The following EML6 variants were observed in gnomAD, a reference collection of about 807,000 sequenced individuals.
The protein encoded by EML6 is EMAP like 6.
EML6 carries 154 observed loss-of-function variants against 240.1 expected under a neutral mutation model. That is an observed-to-expected ratio of 0.64 (90% CI 0.56 to 0.73). The LOEUF (loss-of-function observed/expected upper bound fraction) is 0.73. EML6 is among the 30% of genes least tolerant of loss of function. The pLI is 0.00. For synonymous variants in EML6, 1,148 were observed against 899.0 expected (o/e 1.28, Z -4.95); for missense variants, 2,964 against 2,474.6 (o/e 1.20, Z -4.20).
Position 54,850,252 on chromosome 2 carries a change from A to G in EML6, c.1444+34A>G, listed in dbSNP as rs1430161435. 2.6e-6 allele frequency: 4 copies of G among 1,538,514 alleles called. No homozygotes were observed. In the East Asian group the frequency reaches 9.8e-5, roughly 38 times the overall value. On this transcript the variant is annotated intron_variant, in intron 10 of 41. Coordinates refer to ENST00000356458, the MANE Select transcript of EML6 (RefSeq NM_001039753.4). Reference sequence around the variant, plus strand: ...TGTGGAGGCCTTGGATGTTTCTGGAAAGCAAAATTTTGAACCAGGTGAAGG... The same window carrying G: ...TGTGGAGGCCTTGGATGTTTCTGGAGAGCAAAATTTTGAACCAGGTGAAGG...
Position 54,774,918 on chromosome 2 carries a change from A to G in EML6, c.198-38314A>G, listed in dbSNP as rs1251777422. ...TGGAAATACAGAAAGTGCTTACAACATGTAAAATTCTGTATTGTTGACATT... is the reference window on the plus strand; with the variant it reads ...TGGAAATACAGAAAGTGCTTACAACGTGTAAAATTCTGTATTGTTGACATT... On this transcript the variant is annotated intron_variant, in intron 2 of 41. Coordinates refer to ENST00000356458, the MANE Select transcript of EML6 (RefSeq NM_001039753.4). This position sits in a 1 kb window ranked among gnomAD's most constrained non-coding sequence, Gnocchi z 4.1. Among the ~76,000 whole-genome samples the G allele has an allele frequency of 6.6e-6, 1 of 152,378 alleles. No homozygotes were observed. The highest frequency in any genetic ancestry group is 1.9e-4 in the East Asian group (1 of 5,192).
chr2:54,787,830 G>A (rs1196253698), intron 2 of EML6, among the ~76,000 whole-genome samples: 1 of 152,114 alleles, frequency 6.6e-6, no homozygotes, highest in Non-Finnish European at 1.5e-5. Flanking sequence ...TCATAAATTT[G>A]TTTAATATCA....
At chr2:54,968,081 T>G in intron 39 of EML6, 47 bp from the exon 40 acceptor site, 1 of 1,538,070 alleles carries the variant, frequency 6.5e-7, no homozygotes, top group Non-Finnish European at 8.8e-7. Context: ...GCAAGGAGCC[T>G]TCGCCGTGAC....
In EML6 at chr2:54,927,715, G is replaced by A. The variant is rs979929946; in HGVS notation, c.3676-598G>A. The stretch of plus-strand genomic sequence containing the variant: ...CTCCAAAAAGCTTTTAGTCGTTACT[G>A]ATAAATTGGGTTGTATGTATTTGGC... On this transcript the variant is annotated intron_variant, in intron 26 of 41. Transcript: ENST00000356458. Among the ~76,000 whole-genome samples the A allele has an allele frequency of 2.6e-5, 4 of 152,344 alleles. No individual in the cohort carries two copies. The South Asian group carries it at 8.3e-4, about 32-fold the overall frequency.
chr2:54,894,921 G>A lies in EML6; in HGVS notation c.2749G>A (p.Val917Ile). 1 of 1,550,610 alleles carries A rather than the reference G, an allele frequency of 6.4e-7. No individual in the cohort carries two copies. The highest frequency in any genetic ancestry group is 8.7e-7 in the Non-Finnish European group (1 of 1,146,076). Residue 917 changes from valine to isoleucine, a missense_variant, in exon 20 of 42, where the codon GTA becomes ATA. By Grantham distance (29) the Val-to-Ile change is conservative (BLOSUM62 3). Coordinates refer to ENST00000356458, the MANE Select transcript of EML6 (RefSeq NM_001039753.4). ...FAMYALDKGF[V>I]TGGKDGIVEL... is the part of the protein sequence containing the mutation. ...CTCATGTGTGCCTTCACAGGGCTTT[G>A]TAACAGGTGGAAAGGACGGCATCGT...
At chr2:54,798,251 C>A (rs1291319335) in intron 2 of EML6, among the ~76,000 whole-genome samples, 1 of 152,168 alleles carries the variant, frequency 6.6e-6, no homozygotes, top group Non-Finnish European at 1.5e-5. Context: ...CGGCTCACTG[C>A]AACCTCTGCC....
chr2:54,954,392 A>C (rs1202424780), intron 32 of EML6, among the ~76,000 whole-genome samples: 1 of 152,126 alleles, frequency 6.6e-6, no homozygotes, highest in African/African-American at 2.4e-5. Flanking sequence ...CCATTAGTGA[A>C]GGGGCTCTGA....
intron 24 of EML6, among the ~76,000 whole-genome samples, chr2:54,905,228 CT>C (rs1246446217): frequency 8.9e-5 from 13 of 145,868 alleles, no homozygotes; most frequent in East Asian, 2.0e-4. Flanking sequence ...ATATTCTCTG[CT>C]TTTTTTTTTA....
At chr2:54,829,281 G>A (rs1668746826) in intron 6 of EML6, 61 bp from the exon 7 acceptor site, 4 of 1,465,014 alleles carry the variant, frequency 2.7e-6, no homozygotes, top group East Asian at 2.5e-5. Flanking sequence ...ACATTCAACT[G>A]TATCTATTCA....
chr2:54,868,914 G>A, intron 14 of EML6: 1 of 405,388 alleles, frequency 2.5e-6, no homozygotes. Context: ...GTTCTCAGAT[G>A]ATCGTTTTTA....
intron 22 of EML6, 73 bp from the exon 23 acceptor site, chr2:54,902,971 C>G (rs1005140492): frequency 2.9e-6 from 4 of 1,382,858 alleles, no homozygotes; most frequent in African/African-American, 2.9e-5. Context: ...CATCAGATTT[C>G]TTCATCTTTT....
At chr2:54,880,004 A>G (rs553570385) in intron 17 of EML6, 10 of 169,580 alleles carry the variant, frequency 5.9e-5, no homozygotes, top group East Asian at 1.6e-4. Flanking sequence ...AGGATTGTCA[A>G]TGTCACCAGA....
chr2:54,923,908 C>A (rs1414750912), intron 26 of EML6, among the ~76,000 whole-genome samples: 2 of 152,136 alleles, frequency 1.3e-5, no homozygotes, highest in Non-Finnish European at 2.9e-5. Context: ...TATCCAGCTT[C>A]TTTCACTCAG....
In EML6 at chr2:54,847,554, C is replaced by T; in HGVS notation, c.1118C>T (p.Ala373Val). ...CNMEEAVRSVAFSPDGSQLAL... is the reference protein window; with the variant it reads ...CNMEEAVRSVVFSPDGSQLAL... ...ATGGAAGAGGCGGTTCGCAGTGTAG[C>T]TTTCAGCCCCGACGGATCTCAGCTG... The change falls in exon 9 of 42, where the codon GCT becomes GTT. Residue 373 changes from alanine (A) to valine (V), a missense_variant. Physicochemically the swap from Ala to Val is moderately conservative, Grantham distance 64. Coordinates refer to ENST00000356458, the MANE Select transcript of EML6 (RefSeq NM_001039753.4). 1.9e-6 allele frequency: 3 copies of T among 1,552,280 alleles called. No homozygotes were observed. The highest frequency in any genetic ancestry group is 1.2e-5 in the South Asian group (1 of 84,062).
chr2:54,929,884 G>C (rs1034827780), intron 28 of EML6, among the ~76,000 whole-genome samples: 6 of 152,148 alleles, frequency 3.9e-5, no homozygotes, highest in African/African-American at 1.2e-4. Flanking sequence ...GAAAAAATTA[G>C]AGATTTTTCT....
intron 22 of EML6, among the ~76,000 whole-genome samples, chr2:54,900,671 C>T (rs1673008567): frequency 6.6e-6 from 1 of 152,200 alleles, no homozygotes. Context: ...CCCTATTCTT[C>T]CTCCATCTCT....
At chr2:54,786,104 C>A (rs72917512) in intron 2 of EML6, among the ~76,000 whole-genome samples, 101 of 151,824 alleles carry the variant, frequency 6.7e-4, no homozygotes, top group Non-Finnish European at 1.0e-3. Flanking sequence ...TTGTAGGGAG[C>A]CTTCTGTTTT....
At position 54,968,760 on chromosome 2, in the gene EML6, C is replaced by T. The variant is rs751368765; in HGVS notation, c.5844C>T (p.Asp1948=). ...DDKYVVSTGG[D]DCSVFVWRCL ...AGTATGTGGTCAGCACTGGAGGAGA[C>T]GACTGCAGGTACTAACGTAGCTGAC... is the stretch of plus-strand genomic sequence containing the variant. Residue 1948 remains aspartate (D), a synonymous_variant, in exon 41 of 42, where the codon GAC becomes GAT. Transcript: ENST00000356458. The T allele has an allele frequency of 2.0e-5, 31 of 1,527,772 alleles. No homozygotes were observed. The East Asian group carries it at 2.7e-4, about 13-fold the overall frequency. 94.6% of individuals were successfully genotyped at this position (1,527,772 alleles called of 1,614,324 possible).
chr2:54,806,479 A>C (rs1670486908), intron 2 of EML6, among the ~76,000 whole-genome samples: 1 of 151,766 alleles, frequency 6.6e-6, no homozygotes, highest in Non-Finnish European at 1.5e-5. Flanking sequence ...TGGGCGTGGT[A>C]GCACGTGCCT....
Sources: allele counts gnomAD v4.1 joint callset (sites outside exome capture counted in the v4.1 genomes callset), GRCh38; gene constraint gnomAD v4.1.1; non-coding constraint Gnocchi (gnomAD v3.1); transcripts MANE v1.5; gene names NCBI Gene and HGNC (gene_info 2026-07-23, HGNC 2026-07-21).